TRAPPC9: variants seen among roughly 807,000 people sequenced by gnomAD.
TRAPPC9 encodes trafficking protein particle complex subunit 9, also known as IKK2 binding protein.
TRAPPC9 carries 83 observed loss-of-function variants against 124.0 expected under a neutral mutation model. The ratio of observed to expected loss-of-function variants is 0.67; its 90% CI spans 0.56 to 0.80. The LOEUF is 0.80. Among genes scored for constraint, TRAPPC9 ranks in the 30% least tolerant of loss-of-function variants. The pLI is 0.00. For synonymous variants in TRAPPC9, 638 were observed against 617.5 expected (o/e 1.03, Z -0.49); for missense variants, 1,302 against 1,508.3 (o/e 0.86, Z 2.27).
rs1385202223 is a variant in TRAPPC9, at chr8:140,383,550, AG to A, written c.1135-12371del. Among the ~76,000 whole-genome samples the A allele has an allele frequency of 2.0e-5, 3 of 152,216 alleles. No individual in the cohort carries two copies. The East Asian group carries it at 5.8e-4, about 29-fold the overall frequency. The stretch of plus-strand genomic sequence containing the variant: ...TCAGTAGCCGATTCGATCAACTGGA[AG>A]AAAGGGTATCAGTGATTGAAGATCA... On this transcript the variant is annotated intron_variant, in intron 7 of 22. Coordinates refer to ENST00000438773, the MANE Select transcript of TRAPPC9 (RefSeq NM_001160372.4).
At position 139,732,190 on chromosome 8, in the gene TRAPPC9, T is replaced by A. The variant is rs766638541; in HGVS notation, c.3068A>T (p.Asp1023Val). 6.3e-7 allele frequency: 1 copy of A among 1,591,594 alleles called. No homozygotes were observed. The highest frequency in any genetic ancestry group is 1.1e-5 in the South Asian group (1 of 89,258). The stretch of plus-strand genomic sequence containing the variant: ...AGCCTCGCGGTCACATGGCTGTCCG[T>A]CCACCAGCACATCTGTAAGGGACAC... ...LAPLQWDVLVDGQPCDREAVA... is the reference protein window; with the variant it reads ...LAPLQWDVLVVGQPCDREAVA... Residue 1023 changes from aspartate to valine, a missense_variant, in exon 22 of 23, where the codon GAC (aspartate) becomes GTC (valine). Physicochemically the swap from Asp to Val is radical, Grantham distance 152 (BLOSUM62 -3). This residue lies in a region of TRAPPC9 where 640 missense variants were observed against 679.3 expected (regional missense o/e 0.94). Coordinates refer to ENST00000438773, the MANE Select transcript of TRAPPC9 (RefSeq NM_001160372.4).
intron 17 of TRAPPC9, among the ~76,000 whole-genome samples, chr8:140,062,608 TG>T: frequency 6.6e-6 from 1 of 152,246 alleles, no homozygotes; most frequent in African/African-American, 2.4e-5. Flanking sequence ...ATCACTTTCC[TG>T]TTTCCAGCCT....
intron 21 of TRAPPC9, among the ~76,000 whole-genome samples, chr8:139,874,191 C>T (rs900030036): frequency 1.3e-5 from 2 of 152,168 alleles, no homozygotes; most frequent in African/African-American, 4.8e-5. Flanking sequence ...CATTAATAAG[C>T]GATAATAAGG....
At chr8:140,011,508 T>C (rs1839120571) in intron 18 of TRAPPC9, among the ~76,000 whole-genome samples, 1 of 137,092 alleles carries the variant, frequency 7.3e-6, no homozygotes, top group African/African-American at 2.8e-5. Flanking sequence ...ATACTTTTTT[T>C]TTTTTTTTTT....
At chr8:140,408,115 G>A (rs963682754) in intron 5 of TRAPPC9, among the ~76,000 whole-genome samples, 3 of 152,286 alleles carry the variant, frequency 2.0e-5, no homozygotes, top group African/African-American at 7.2e-5. Context: ...GATCTTTCTT[G>A]ACATCTGTAA....
intron 11 of TRAPPC9, among the ~76,000 whole-genome samples, chr8:140,295,485 G>A (rs2065780552): frequency 2.0e-5 from 3 of 152,128 alleles, no homozygotes; most frequent in African/African-American, 7.2e-5. Flanking sequence ...GGCAGCAGTC[G>A]ACCTTGGCAC....
chr8:139,972,453 A>C (rs1470709793), intron 19 of TRAPPC9, among the ~76,000 whole-genome samples: 1 of 152,214 alleles, frequency 6.6e-6, no homozygotes, highest in Non-Finnish European at 1.5e-5. Flanking sequence ...ACAGGAAAAC[A>C]CAGAATTCCT....
chr8:139,961,036 A>G (rs1835342127), intron 19 of TRAPPC9, among the ~76,000 whole-genome samples: 1 of 125,068 alleles, frequency 8.0e-6, no homozygotes, highest in Admixed American at 8.4e-5. Context: ...AGAGCTAGAG[A>G]CAGGAAGAAA....
At chr8:140,256,389 C>T (rs1380316980) in intron 15 of TRAPPC9, among the ~76,000 whole-genome samples, 1 of 152,198 alleles carries the variant, frequency 6.6e-6, no homozygotes, top group Non-Finnish European at 1.5e-5. Flanking sequence ...TGGGTCGCAG[C>T]TTTCTTCCCA....
Position 139,961,362 on chromosome 8 carries a change from C to A in TRAPPC9, c.2810+27364G>T. Reference sequence around the variant, plus strand: ...TACTCCATGGAGCCAGTGAGAGCCCCACCCCTTCTGAATTGGAGTGGGAGC... The same window carrying A: ...TACTCCATGGAGCCAGTGAGAGCCCAACCCCTTCTGAATTGGAGTGGGAGC... On this transcript the variant is annotated intron_variant, in intron 19 of 22. Transcript: ENST00000438773. Among the ~76,000 whole-genome samples the A allele has an allele frequency of 1.6e-5, 2 of 124,076 alleles. 1 individual carries two copies. The highest frequency in any genetic ancestry group is 3.9e-5 in the Non-Finnish European group (2 of 51,858). The allele number at this position is 124,076 out of a possible 152,430, so 81.4% of individuals were successfully genotyped here.
intron 2 of TRAPPC9, among the ~76,000 whole-genome samples, chr8:140,450,256 G>A (rs1315241637): frequency 2.0e-5 from 3 of 152,124 alleles, no homozygotes; most frequent in African/African-American, 7.2e-5. Flanking sequence ...AGCTACTTGG[G>A]AGGCTGAGGC....
chr8:140,418,934 A>C (rs1564010947), intron 5 of TRAPPC9, among the ~76,000 whole-genome samples: 1 of 152,242 alleles, frequency 6.6e-6, no homozygotes. Flanking sequence ...ACAAAACCAC[A>C]TGATCATCTC....
In TRAPPC9 at chr8:139,741,385, T is replaced by C. The variant is rs143656017; in HGVS notation, c.3056-9183A>G. ...TTGTTCCATTTGACAGATGACGCTC[T>C]TGAGGTGGCGAGTGGCTCAGGAGCT... On this transcript the variant is annotated intron_variant, in intron 21 of 22. Transcript: ENST00000438773. 9.5e-3 allele frequency among the ~76,000 whole-genome samples: 1,453 copies of C among 152,280 alleles called. 24 individuals carry two copies. Among genetic ancestry groups the C allele is most frequent in the African/African-American group, 0.033 (1,365 of 41,550 alleles).
intron 18 of TRAPPC9, among the ~76,000 whole-genome samples, chr8:139,996,176 A>AG (rs1454774537): frequency 0.015 from 2,153 of 144,842 alleles, 19 homozygotes; most frequent in Non-Finnish European, 0.025. Context: ...AAAAAAAAAA[A>AG]AAAAAAGAAA....
At chr8:140,164,102 C>T (rs147180225) in intron 17 of TRAPPC9, among the ~76,000 whole-genome samples, 16 of 152,256 alleles carry the variant, frequency 1.1e-4, no homozygotes, top group African/African-American at 3.9e-4. Flanking sequence ...ACTCAGCAAA[C>T]ACAGCGACCA....
At chr8:140,272,687 A>G (rs2064992367) in intron 15 of TRAPPC9, among the ~76,000 whole-genome samples, 1 of 152,050 alleles carries the variant, frequency 6.6e-6, no homozygotes, top group African/African-American at 2.4e-5. Context: ...GCTTCCATTC[A>G]TGGCAGAAGA....
At chr8:140,178,514 T>C (rs755951474) in intron 17 of TRAPPC9, among the ~76,000 whole-genome samples, 11 of 152,216 alleles carry the variant, frequency 7.2e-5, no homozygotes, top group South Asian at 4.1e-4. Flanking sequence ...TTTTAATAAA[T>C]ATATCATTGG....
At chr8:140,147,525 T>C (rs1384547426) in intron 17 of TRAPPC9, among the ~76,000 whole-genome samples, 1 of 152,192 alleles carries the variant, frequency 6.6e-6, no homozygotes, top group African/African-American at 2.4e-5. Flanking sequence ...GCCTTTCTCA[T>C]AAGTAGCCAT....
chr8:140,010,921 G>A (rs970703650), intron 18 of TRAPPC9, among the ~76,000 whole-genome samples: 8 of 152,112 alleles, frequency 5.3e-5, no homozygotes, highest in African/African-American at 1.2e-4. Flanking sequence ...GGTATCTATC[G>A]GACAGAAGGG....
Sources: gnomAD v4.1 joint callset for allele counts (sites outside exome capture counted in the v4.1 genomes callset) on GRCh38, gnomAD v4.1.1 for gene constraint, gnomAD v4.1.1 regional missense constraint, MANE v1.5 for transcripts, NCBI Gene and HGNC (gene_info 2026-07-23, HGNC 2026-07-21) for gene names.